The following EIF3B variants were observed in gnomAD, a reference collection of about 807,000 sequenced individuals.
EIF3B encodes the protein eukaryotic translation initiation factor 3 subunit B, also known as eukaryotic translation initiation factor 3 subunit 9.
In EIF3B, 10 loss-of-function variants were observed where a neutral mutation model predicts 104.6. The ratio of observed to expected loss-of-function variants is 0.10; its 90% CI spans 0.06 to 0.16. The LOEUF (loss-of-function observed/expected upper bound fraction) is 0.16, where lower values mean the gene tolerates loss of function less well. Among genes scored for constraint, EIF3B ranks in the 10% least tolerant of loss-of-function variants. The probability of loss-of-function intolerance (pLI) is 1.00; values close to 1 mark genes in which losing one functional copy is unlikely to be tolerated. For synonymous variants in EIF3B, 542 were observed against 417.2 expected, an observed-to-expected ratio of 1.30 and a Z score of -3.65; for missense variants, 1,014 against 1,087.9, an observed-to-expected ratio of 0.93 and a Z score of 0.96.
chr7:2,378,971 G>C (rs1780844539), intron 16 of EIF3B, 163 bp from the exon 17 acceptor site: 1 of 747,014 alleles, frequency 1.3e-6, no homozygotes, highest in South Asian at 1.8e-5. Context: ...CCTTGTGGGT[G>C]GGGGGCAGCG....
rs1583157000 is a variant in EIF3B, at chr7:2,362,723, G to A, written c.771G>A (p.Lys257=). 2 of 1,614,226 alleles carry A rather than the reference G, an allele frequency of 1.2e-6. No homozygotes were observed. Among genetic ancestry groups the A allele is most frequent in the Non-Finnish European group, 8.5e-7 (1 of 1,180,030 alleles). Residue 257 remains lysine (K), a synonymous_variant, in exon 3 of 19, where the codon AAG becomes AAA. Coordinates refer to ENST00000360876, the MANE Select transcript of EIF3B (RefSeq NM_001037283.2). ...VKNADGYKLD[K]QHTFRVNLFT... is the part of the protein sequence containing the mutation. ...ACGCCGACGGCTACAAGCTTGACAA[G>A]CAGCACACATTCCGGGTCAACCTCT...
At chr7:2,369,391 T>G in intron 9 of EIF3B, 81 bp from the exon 10 acceptor site, 3 of 1,429,804 alleles carry the variant, frequency 2.1e-6, no homozygotes, top group South Asian at 2.4e-5. Flanking sequence ...ATATAGCAAA[T>G]GAGTTGTTCT....
chr7:2,366,017 C>A (rs1780006201), intron 6 of EIF3B, among the ~76,000 whole-genome samples: 1 of 152,102 alleles, frequency 6.6e-6, no homozygotes, highest in African/African-American at 2.4e-5. Context: ...CTTTATTAAA[C>A]ATGGGTAAAG....
chr7:2,367,224 G>A, intron 9 of EIF3B, 179 bp downstream of exon 9: 1 of 575,286 alleles, frequency 1.7e-6, no homozygotes, highest in Non-Finnish European at 3.0e-6. Flanking sequence ...TCTGGTGACG[G>A]CCCACCTCCC....
upstream of EIF3B, chr7:2,354,366 T>C (rs1779263854): frequency 6.6e-6 from 1 of 152,242 alleles, no homozygotes; most frequent in Admixed American, 6.5e-5. Flanking sequence ...CAGGGGGGAC[T>C]TTAGTAACGT....
At chr7:2,358,274 G>A (rs1779558387) in intron 1 of EIF3B, among the ~76,000 whole-genome samples, 1 of 152,022 alleles carries the variant, frequency 6.6e-6, no homozygotes, top group Admixed American at 6.6e-5. Context: ...AATACAGATG[G>A]GGTTTTGCCT....
chr7:2,379,082 T>TGG, intron 16 of EIF3B, 52 bp from the exon 17 acceptor site: 1 of 1,536,312 alleles, frequency 6.5e-7, no homozygotes, highest in Non-Finnish European at 9.0e-7. Flanking sequence ...CTCTTCGCGA[T>TGG]GGGGAGGCAC....
chr7:2,379,716 A>G, intron 18 of EIF3B: 1 of 553,736 alleles, frequency 1.8e-6, no homozygotes. Flanking sequence ...CACATTGCAG[A>G]TGGCGCCTTT....
intron 8 of EIF3B, 46 bp downstream of exon 8, chr7:2,366,637 G>A (rs1391972283): frequency 3.1e-6 from 5 of 1,602,574 alleles, no homozygotes; most frequent in Non-Finnish European, 3.4e-6. Flanking sequence ...GTCCTTGCTT[G>A]TAACCGGGGT....
chr7:2,371,806 A>G lies in EIF3B; in HGVS notation c.1644A>G (p.Arg548=), dbSNP rs767600675. The G allele has an allele frequency of 3.0e-5, 48 of 1,613,628 alleles. No individual in the cohort carries two copies. The highest frequency in any genetic ancestry group is 4.0e-5 in the Non-Finnish European group (47 of 1,179,946). ...TTGTCACAAATTTTGAAATTTTCCGAATGAGGGAGAAACAGGTACCTGTGG... is the reference window on the plus strand; with the variant it reads ...TTGTCACAAATTTTGAAATTTTCCGGATGAGGGAGAAACAGGTACCTGTGG... ...QGVVTNFEIF[R]MREKQVPVDV... is the part of the protein sequence containing the mutation. The change falls in exon 11 of 19, where the codon CGA becomes CGG. Residue 548 remains arginine (R), a synonymous_variant. Coordinates refer to ENST00000360876, the MANE Select transcript of EIF3B (RefSeq NM_001037283.2).
intron 12 of EIF3B, 21 bp from the exon 13 acceptor site, chr7:2,374,507 A>C: frequency 6.2e-7 from 1 of 1,612,474 alleles, no homozygotes; most frequent in East Asian, 2.2e-5. Flanking sequence ...AGCTCGTGAC[A>C]GGCGCGCTCT....
intron 1 of EIF3B, 128 bp from the exon 2 acceptor site, chr7:2,360,571 GGTTAGGATTTC>G: frequency 1.5e-6 from 1 of 649,896 alleles, no homozygotes; most frequent in Non-Finnish European, 2.5e-6. Context: ...AACAAGCTAG[GGTTAGGATTTC>G]TTTTGCTCAC....
At chr7:2,366,738 C>T (rs935674594) in intron 8 of EIF3B, 147 bp downstream of exon 8, 37 of 959,402 alleles carry the variant, frequency 3.9e-5, no homozygotes, top group East Asian at 1.8e-4. Context: ...TTTAACTGCC[C>T]CTGCTCTGGG....
Position 2,355,528 on chromosome 7 carries a change from C to T in EIF3B, c.499+108C>T. The T allele has an allele frequency of 2.9e-6, 4 of 1,358,806 alleles. No homozygotes were observed. In the South Asian group the frequency reaches 6.5e-5, roughly 22 times the overall value. 84.2% of individuals were successfully genotyped at this position (1,358,806 alleles called of 1,614,324 possible). A position where few individuals can be genotyped will look rare whatever the true frequency, so the allele number is the denominator to read the frequency against. The stretch of plus-strand genomic sequence containing the variant: ...CCACCGGTTCGTGCAGAAGTTCCAG[C>T]GAGGGTGTCCGTGTGTTCCTGAGAA... On this transcript the variant is annotated intron_variant, in intron 1 of 18. Transcript: ENST00000360876.
At chr7:2,370,009 T>G (rs1780239388) in intron 10 of EIF3B, among the ~76,000 whole-genome samples, 2 of 152,028 alleles carry the variant, frequency 1.3e-5, no homozygotes, top group Non-Finnish European at 1.5e-5. Flanking sequence ...ACTCCTGACC[T>G]TAGGTGATCT....
chr7:2,356,602 C>CAAAAAA (rs558863981), intron 1 of EIF3B, among the ~76,000 whole-genome samples: 2 of 90,300 alleles, frequency 2.2e-5, no homozygotes, highest in East Asian at 3.3e-4. Flanking sequence ...GACTCCGTCT[C>CAAAAAA]AAAAAAAAAA....
intron 6 of EIF3B, among the ~76,000 whole-genome samples, chr7:2,365,308 G>A (rs1349091061): frequency 1.3e-5 from 2 of 152,164 alleles, no homozygotes; most frequent in Non-Finnish European, 2.9e-5. Context: ...GGAAAGGGGC[G>A]GTTGTGGGAG....
chr7:2,377,680 G>C, intron 15 of EIF3B: 1 of 104,874 alleles, frequency 9.5e-6, no homozygotes, highest in East Asian at 2.5e-4. Flanking sequence ...GCAGGCGCGA[G>C]CGCTCCTGGG....
chr7:2,378,333 G>A (rs528277621), intron 15 of EIF3B: 1 of 258,612 alleles, frequency 3.9e-6, no homozygotes, highest in Admixed American at 5.8e-5. Context: ...ATGCTGTGTT[G>A]TGTGAATGAC....
Sources: gnomAD v4.1 joint callset for allele counts (sites outside exome capture counted in the v4.1 genomes callset) on GRCh38, gnomAD v4.1.1 for gene constraint, MANE v1.5 for transcripts, NCBI Gene and HGNC (gene_info 2026-07-23, HGNC 2026-07-21) for gene names.